Variants in ALLC observed in about 807,000 individuals in gnomAD.
ALLC encodes probable inactive allantoicase.
ALLC carries 40 observed loss-of-function variants against 45.0 expected under a neutral mutation model. The ratio of observed to expected loss-of-function variants is 0.89; its 90% CI spans 0.69 to 1.16. The LOEUF is 1.16. Ranked by LOEUF, ALLC falls within the 50% of genes most tolerant of loss-of-function variation. The pLI is 0.00. For synonymous variants in ALLC, 176 were observed against 178.1 expected (o/e 0.99, Z 0.09); for missense variants, 488 against 493.1 (o/e 0.99, Z 0.10).
upstream of ALLC, among the ~76,000 whole-genome samples, chr2:3,654,021 G>A (rs1258023093): frequency 2.6e-5 from 4 of 152,230 alleles, no homozygotes; most frequent in African/African-American, 9.6e-5. Context: ...GGAGTCTCAA[G>A]AGATTGCACT....
At chr2:3,674,332 G>T (rs958804752) in intron 3 of ALLC, among the ~76,000 whole-genome samples, 32 of 152,166 alleles carry the variant, frequency 2.1e-4, no homozygotes, top group African/African-American at 7.7e-4. Flanking sequence ...AGTAATTTGG[G>T]ACTGCATTGT....
intron 1 of ALLC, among the ~76,000 whole-genome samples, chr2:3,662,878 G>A (rs1485403855): frequency 3.9e-5 from 6 of 152,216 alleles, no homozygotes; most frequent in African/African-American, 1.4e-4. Flanking sequence ...GTGGCGAGGG[G>A]ATATAGACCT....
At chr2:3,673,040 T>G (rs1666934447) in intron 2 of ALLC, among the ~76,000 whole-genome samples, 1 of 99,176 alleles carries the variant, frequency 1.0e-5, no homozygotes. Context: ...CAGCCATGGG[T>G]AGCCTGGGGG....
chr2:3,687,236 A>T (rs1018628648), intron 7 of ALLC, among the ~76,000 whole-genome samples: 2 of 150,814 alleles, frequency 1.3e-5, no homozygotes, highest in African/African-American at 4.8e-5. Context: ...GTGATGTGTC[A>T]TGTTTATTGA....
intron 2 of ALLC, among the ~76,000 whole-genome samples, chr2:3,673,749 G>A (rs866056519): frequency 7.2e-5 from 11 of 152,176 alleles, no homozygotes; most frequent in Admixed American, 5.2e-4. Flanking sequence ...GTCATTGCTC[G>A]GTTTGTAAAA....
chr2:3,651,321 G>GTC, the ALLC span, among the ~76,000 whole-genome samples: 1 of 1,726 alleles, frequency 5.8e-4, no homozygotes, highest in Non-Finnish European at 1.4e-3. Context: ...GGTGGGGGGG[G>GTC]TGTGTGTGTG....
At chr2:3,649,725 G>A in the ALLC span, among the ~76,000 whole-genome samples, 9 of 152,338 alleles carry the variant, frequency 5.9e-5, no homozygotes, top group African/African-American at 1.2e-4. Context: ...CTGTCCCATC[G>A]CAGGGCAACA....
At chr2:3,664,162 G>A (rs1666639523) in intron 1 of ALLC, among the ~76,000 whole-genome samples, 1 of 152,148 alleles carries the variant, frequency 6.6e-6, no homozygotes, top group South Asian at 2.1e-4. Context: ...GATATGAGTG[G>A]CTGCAGAGCA....
chr2:3,687,078 T>C (rs191969878), intron 7 of ALLC, among the ~76,000 whole-genome samples: 1 of 151,172 alleles, frequency 6.6e-6, no homozygotes, highest in Admixed American at 6.6e-5. Context: ...GTTTGTCATA[T>C]GTGGCTTTTG....
At chr2:3,681,004 A>T (rs1433259163) in intron 5 of ALLC, among the ~76,000 whole-genome samples, 1 of 152,076 alleles carries the variant, frequency 6.6e-6, no homozygotes, top group African/African-American at 2.4e-5. Context: ...ATATACAATT[A>T]TGTGTGTGTT....
chr2:3,679,855 T>C lies in ALLC; in HGVS notation c.173-14T>C, dbSNP rs756749460. The stretch of plus-strand genomic sequence containing the variant: ...GGCCCTAACGAGACTGCTCTTGTCC[T>C]CTGTGTTGCGCAGGTCACGACTGGT... On this transcript the variant is annotated splice_polypyrimidine_tract_variant and intron_variant, in intron 4 of 11. Transcript: ENST00000252505. 6 of 1,613,548 alleles carry C rather than the reference T, an allele frequency of 3.7e-6. No individual in the cohort carries two copies. In the Admixed American group the frequency reaches 8.3e-5, roughly 22 times the overall value.
At position 3,690,558 on chromosome 2, in the gene ALLC, G is replaced by T. The variant is rs141328335; in HGVS notation, c.512-5159G>T. Among the ~76,000 whole-genome samples the T allele has an allele frequency of 8.5e-3, 1,264 of 149,002 alleles. 19 individuals carry two copies. The highest frequency in any genetic ancestry group is 0.028 in the African/African-American group (1,151 of 40,400). On this transcript the variant is annotated intron_variant, in intron 7 of 11. Transcript: ENST00000252505. ...TTTATTTTTAGCAAATCTATTATAG[G>T]TTTTTGCACTGTGGTTACCATGAGG...
intron 4 of ALLC, among the ~76,000 whole-genome samples, chr2:3,678,892 C>A (rs1667100182): frequency 6.6e-6 from 1 of 152,214 alleles, no homozygotes; most frequent in Admixed American, 6.5e-5. Flanking sequence ...TTACTACAGT[C>A]CTCTGGAGTA....
intron 8 of ALLC, 84 bp downstream of exon 8, chr2:3,695,956 A>G: frequency 7.3e-7 from 1 of 1,373,620 alleles, no homozygotes; most frequent in Non-Finnish European, 9.9e-7. Flanking sequence ...AGTGATTTAA[A>G]AGGAAAGGCA....
chr2:3,690,245 T>C, intron 7 of ALLC, among the ~76,000 whole-genome samples: 1 of 69,808 alleles, frequency 1.4e-5, no homozygotes, highest in African/African-American at 5.5e-5. Context: ...TCTGATCCCC[T>C]CCCCTTCCCT....
intron 4 of ALLC, 95 bp from the exon 5 acceptor site, chr2:3,679,774 G>A (rs1488434517): frequency 2.6e-6 from 4 of 1,549,024 alleles, no homozygotes; most frequent in Non-Finnish European, 3.6e-6. Flanking sequence ...AATGGCCCCT[G>A]CTGTGGGTCA....
intron 9 of ALLC, among the ~76,000 whole-genome samples, chr2:3,697,010 C>T (rs1667693028): frequency 6.6e-6 from 1 of 152,054 alleles, no homozygotes; most frequent in Non-Finnish European, 1.5e-5. Flanking sequence ...AAAATATGTA[C>T]CTTAAAAGGT....
In ALLC at chr2:3,681,686, T is replaced by A. The variant is rs1384598858; in HGVS notation, c.351T>A (p.Thr117=). 6.2e-7 allele frequency: 1 copy of A among 1,610,986 alleles called. No individual in the cohort carries two copies. The highest frequency in any genetic ancestry group is 2.2e-5 in the East Asian group (1 of 44,836). ...GAACCAGGACAGGAGCTGCAGCCAC[T>A]CCTGAGGAGTTTGAAGCCATTGCTG... ...ERGTRTGAAA[T]PEEFEAIAEL... Residue 117 remains threonine (T), a synonymous_variant, in exon 6 of 12, where the codon ACT becomes ACA. Transcript: ENST00000252505.
At position 3,680,040 on chromosome 2, in the gene ALLC, T is replaced by G. The variant is rs114738439; in HGVS notation, c.298+46T>G. 4,459 of 1,609,104 alleles carry G rather than the reference T, an allele frequency of 2.8e-3. 119 individuals are homozygous for G. The African/African-American group carries it at 0.053, about 19-fold the overall frequency. The stretch of plus-strand genomic sequence containing the variant: ...CCCAAAATGAGAATTATGGGTCACA[T>G]GGCTCCTCTGGCCAGCCACAGCCCC... On this transcript the variant is annotated intron_variant, in intron 5 of 11. Transcript: ENST00000252505. The surrounding 1 kb of genome is among the most constrained non-coding windows in gnomAD (Gnocchi z 4.0).
Sources: allele counts gnomAD v4.1 joint callset (sites outside exome capture counted in the v4.1 genomes callset), GRCh38; gene constraint gnomAD v4.1.1; non-coding constraint Gnocchi (gnomAD v3.1); transcripts MANE v1.5; gene names NCBI Gene and HGNC (gene_info 2026-07-23, HGNC 2026-07-21).